Variants in POLD1 observed in about 807,000 individuals in gnomAD.
POLD1 encodes DNA polymerase delta catalytic subunit.
A neutral mutation model predicts 129.7 loss-of-function variants in POLD1; 79 were observed. The ratio of observed to expected loss-of-function variants is 0.61; its 90% CI spans 0.51 to 0.73. The LOEUF is 0.73. Ranked by LOEUF, POLD1 falls within the 30% of genes least tolerant of loss-of-function variation. The pLI, the probability that POLD1 is intolerant of heterozygous loss-of-function variation, is 0.00. For synonymous variants in POLD1, 714 were observed against 683.3 expected, an observed-to-expected ratio of 1.04 and a Z score of -0.70; for missense variants, 1,338 against 1,595.8, an observed-to-expected ratio of 0.84 and a Z score of 2.75.
At chr19:50,404,323 C>T (rs1189095246) in intron 10 of POLD1, among the ~76,000 whole-genome samples, 1 of 150,264 alleles carries the variant, frequency 6.7e-6, no homozygotes, top group African/African-American at 2.5e-5. Flanking sequence ...AGTGCAGTGG[C>T]GCAATCTTGG....
At chr19:50,392,079 T>C (rs1361033062) in intron 1 of POLD1, among the ~76,000 whole-genome samples, 1 of 151,890 alleles carries the variant, frequency 6.6e-6, no homozygotes, top group Non-Finnish European at 1.5e-5. Context: ...ATGGCAACTT[T>C]TTCATTTTTT....
At position 50,414,859 on chromosome 19, in the gene POLD1, CCT is replaced by C. The variant is rs775398036; in HGVS notation, c.2434_2435del (p.Leu812AlafsTer46). On this transcript the variant is annotated frameshift_variant, in exon 20 of 27. Transcript: ENST00000440232. LOFTEE classifies it high-confidence loss of function. ...LLISKKRYAGLLFSSRPDAHD... is the reference protein window; with the variant it reads ...LLISKKRYAGXLFSSRPDAHD... ...TTATCAGCAAGAAGCGCTACGCGGG[CCT>C]GCTCTTCTCCTCCCGGCCCGACGCC... is the stretch of plus-strand genomic sequence containing the variant. 1 of 1,603,622 alleles carries C rather than the reference CCT, an allele frequency of 6.2e-7. No homozygotes were observed. The highest frequency in any genetic ancestry group is 1.7e-5 in the Admixed American group (1 of 59,160).
chr19:50,399,496 G>T lies in POLD1; in HGVS notation c.316+12G>T, dbSNP rs1057521966. On this transcript the variant is annotated intron_variant, in intron 3 of 26. Coordinates refer to ENST00000440232, the MANE Select transcript of POLD1 (RefSeq NM_002691.4). Reference sequence around the variant, plus strand: ...TGACCATTATGTGGGTGAGTTTAGGGGTTATGGGTGAGTGCTGGGGCCCTG... The same window carrying T: ...TGACCATTATGTGGGTGAGTTTAGGTGTTATGGGTGAGTGCTGGGGCCCTG... 2.5e-6 allele frequency: 4 copies of T among 1,581,980 alleles called. No homozygotes were observed. The highest frequency in any genetic ancestry group is 3.5e-6 in the Non-Finnish European group (4 of 1,150,646).
rs373404887 is a variant in POLD1, at chr19:50,403,099, G to T, written c.1017G>T (p.Ser339=). 245 of 1,564,842 alleles carry T rather than the reference G, an allele frequency of 1.6e-4. 1 individual carries two copies. The highest frequency in any genetic ancestry group is 2.0e-4 in the Non-Finnish European group (236 of 1,154,326). ...PERDPVIQIC[S]LGLRWGEPEP... Reference sequence around the variant, plus strand: ...GGGACCCTGTCATCCAGATCTGCTCGCTGGGCCTGCGCTGGGGGGAGCCGG... The same window carrying T: ...GGGACCCTGTCATCCAGATCTGCTCTCTGGGCCTGCGCTGGGGGGAGCCGG... The change falls in exon 9 of 27, where the codon TCG becomes TCT. Residue 339 remains serine (S), a synonymous_variant. Coordinates refer to ENST00000440232, the MANE Select transcript of POLD1 (RefSeq NM_002691.4).
At chr19:50,387,019 C>A (rs1281448247) in intron 1 of POLD1, among the ~76,000 whole-genome samples, 2 of 150,670 alleles carry the variant, frequency 1.3e-5, no homozygotes, top group East Asian at 1.9e-4. Context: ...GGTGAAACCC[C>A]GTCTCTACTA....
chr19:50,392,552 A>G (rs1417067069), intron 1 of POLD1, among the ~76,000 whole-genome samples: 2 of 151,966 alleles, frequency 1.3e-5, no homozygotes, highest in Non-Finnish European at 2.9e-5. Flanking sequence ...ATCGCAGCTC[A>G]CTGCAACCTC....
At chr19:50,407,459 G>A (rs1568628649) in intron 14 of POLD1, 44 bp downstream of exon 14, 1 of 1,356,530 alleles carries the variant, frequency 7.4e-7, no homozygotes, top group Non-Finnish European at 1.0e-6. Context: ...TAATCTCTGG[G>A]AGGCTGAGGT....
At chr19:50,399,599 C>G (rs777165482) in intron 3 of POLD1, 115 bp downstream of exon 3, 19 of 725,028 alleles carry the variant, frequency 2.6e-5, no homozygotes, top group Non-Finnish European at 3.9e-5. Context: ...CCAGGTCAGC[C>G]CCTCTGGCTC....
intron 1 of POLD1, among the ~76,000 whole-genome samples, chr19:50,386,787 A>G (rs904823493): frequency 2.6e-5 from 4 of 152,200 alleles, no homozygotes; most frequent in African/African-American, 9.6e-5. Context: ...AGGGAGGAAG[A>G]CACACACCCA....
intron 1 of POLD1, among the ~76,000 whole-genome samples, chr19:50,392,997 C>T (rs1187642423): frequency 6.6e-6 from 1 of 152,206 alleles, no homozygotes; most frequent in Non-Finnish European, 1.5e-5. Context: ...AAATAGCCCC[C>T]TGGGGGAGGA....
chr19:50,403,616 G>A lies in POLD1; in HGVS notation c.1242+19G>A. 6.5e-7 allele frequency: 1 copy of A among 1,531,982 alleles called. No individual in the cohort carries two copies. Among genetic ancestry groups the A allele is most frequent in the Non-Finnish European group, 9.0e-7 (1 of 1,105,186 alleles). 94.9% of individuals were successfully genotyped at this position (1,531,982 alleles called of 1,614,324 possible). On this transcript the variant is annotated intron_variant, in intron 10 of 26. Transcript: ENST00000440232. The stretch of plus-strand genomic sequence containing the variant: ...CCTCAAGGTGAGGGCTGGGCAGGTG[G>A]GAGGCTTCTCTCAGATGCCCCAGGT...
intron 1 of POLD1, among the ~76,000 whole-genome samples, chr19:50,385,830 C>T (rs1329375884): frequency 2.0e-5 from 3 of 151,392 alleles, no homozygotes; most frequent in African/African-American, 7.3e-5. Context: ...CGCACGGCCG[C>T]TTCTCCTCCT....
At chr19:50,413,688 TA>T (rs1163874837) in intron 18 of POLD1, 53 bp from the exon 19 acceptor site, 3 of 1,562,090 alleles carry the variant, frequency 1.9e-6, no homozygotes, top group African/African-American at 1.4e-5. Context: ...CCGACACCAG[TA>T]GTTGACAGAA....
At chr19:50,399,760 G>A (rs1157380923) in intron 3 of POLD1, among the ~76,000 whole-genome samples, 2 of 152,236 alleles carry the variant, frequency 1.3e-5, no homozygotes, top group African/African-American at 4.8e-5. Flanking sequence ...TGCAGCCTGT[G>A]CAAGGACCTC....
intron 1 of POLD1, 111 bp from the exon 2 acceptor site, chr19:50,398,740 G>A: frequency 6.7e-7 from 1 of 1,500,718 alleles, no homozygotes; most frequent in Non-Finnish European, 8.9e-7. Flanking sequence ...AGTACAGCCA[G>A]TCCAGAGTAG....
chr19:50,388,491 T>G (rs557149106), intron 1 of POLD1, among the ~76,000 whole-genome samples: 2 of 151,688 alleles, frequency 1.3e-5, no homozygotes, highest in African/African-American at 4.9e-5. Flanking sequence ...TGCATTACAA[T>G]AAAAAAGACG....
Position 50,415,472 on chromosome 19 carries a change from G to A in POLD1, c.2599G>A (p.Val867Ile), listed in dbSNP as rs367680864. 2.4e-4 allele frequency: 386 copies of A among 1,613,134 alleles called. 2 individuals carry two copies. In the South Asian group the frequency reaches 3.6e-3, roughly 15 times the overall value. Residue 867 changes from valine (V) to isoleucine (I), a missense_variant, in exon 21 of 27, where the codon GTC becomes ATC. Around this residue, in one of 3 missense-constraint regions of POLD1, gnomAD observed 720 missense variants for 1,002.6 expected, o/e 0.72. Coordinates refer to ENST00000440232, the MANE Select transcript of POLD1 (RefSeq NM_002691.4). Reference sequence around the variant, plus strand: ...GGGCGCGGTGGCTCACGCACAGGACGTCATCTCGGACCTGCTGTGCAACCG... The same window carrying A: ...GGGCGCGGTGGCTCACGCACAGGACATCATCTCGGACCTGCTGTGCAACCG... ...PEGAVAHAQD[V>I]ISDLLCNRID...
intron 26 of POLD1, among the ~76,000 whole-genome samples, 186 bp from the exon 27 acceptor site, chr19:50,417,656 C>T (rs1319438601): frequency 1.3e-5 from 2 of 150,508 alleles, no homozygotes; most frequent in Non-Finnish European, 1.5e-5. Context: ...TCGCCAGGCA[C>T]CCGCTGTTAT....
intron 3 of POLD1, 32 bp downstream of exon 3, chr19:50,399,516 G>C: frequency 6.7e-7 from 1 of 1,490,282 alleles, no homozygotes; most frequent in Non-Finnish European, 9.4e-7. Flanking sequence ...GAGTGCTGGG[G>C]CCCTGCGCTC....
Sources: allele counts gnomAD v4.1 joint callset (sites outside exome capture counted in the v4.1 genomes callset), GRCh38; gene constraint gnomAD v4.1.1; regional missense constraint gnomAD v4.1.1; transcripts MANE v1.5; gene names NCBI Gene and HGNC (gene_info 2026-07-23, HGNC 2026-07-21).